The following BLK variants were observed in gnomAD, a reference collection of about 807,000 sequenced individuals.
BLK encodes the protein tyrosine-protein kinase Blk.
Under a neutral mutation model 61.8 loss-of-function variants are expected in BLK, and 64 were observed. The ratio of observed to expected loss-of-function variants is 1.03; its 90% CI spans 0.85 to 1.27. The LOEUF (loss-of-function observed/expected upper bound fraction) is 1.27, where lower values mean the gene tolerates loss of function less well. BLK is among the 50% of genes most tolerant of loss of function. BLK has a pLI of 0.00. For missense variants in BLK, 853 were observed against 660.5 expected (o/e 1.29, Z -3.19); for synonymous variants, 351 against 272.0 (o/e 1.29, Z -2.86).
At chr8:11,503,443 A>G (rs1264022309) in intron 1 of BLK, among the ~76,000 whole-genome samples, 1 of 152,126 alleles carries the variant, frequency 6.6e-6, no homozygotes, top group Non-Finnish European at 1.5e-5. Context: ...TCCCAAAGGG[A>G]GAGGTGCAGC....
In BLK at chr8:11,548,170, C is replaced by A. The variant is rs372649769; in HGVS notation, c.269+45C>A. 48 of 1,493,340 alleles carry A rather than the reference C, an allele frequency of 3.2e-5. No homozygotes were observed. In the African/African-American group the frequency reaches 5.3e-4, roughly 16 times the overall value. The allele number at this position is 1,493,340 out of a possible 1,614,324, so 92.5% of individuals were successfully genotyped here. On this transcript the variant is annotated intron_variant, in intron 4 of 12. Coordinates refer to ENST00000259089, the MANE Select transcript of BLK (RefSeq NM_001715.3). ...TCCCCTGTCCCTGCAGGACCCCCCTCCCCCACATCTCTCCTTTCTCCACCC... is the reference window on the plus strand; with the variant it reads ...TCCCCTGTCCCTGCAGGACCCCCCTACCCCACATCTCTCCTTTCTCCACCC...
At chr8:11,521,837 T>G (rs1237967555) in intron 1 of BLK, among the ~76,000 whole-genome samples, 1 of 152,244 alleles carries the variant, frequency 6.6e-6, no homozygotes, top group Non-Finnish European at 1.5e-5. Flanking sequence ...TTAGTAAGTG[T>G]GGACATCTAG....
chr8:11,557,873 C>T, intron 9 of BLK, 89 bp from the exon 10 acceptor site: 1 of 1,183,174 alleles, frequency 8.5e-7, no homozygotes, highest in Non-Finnish European at 1.3e-6. Flanking sequence ...TTCCCGCGCC[C>T]ATGGGGAGCC....
intron 1 of BLK, among the ~76,000 whole-genome samples, chr8:11,501,421 T>C (rs1003827195): frequency 3.0e-4 from 46 of 152,000 alleles, no homozygotes; most frequent in Admixed American, 1.1e-3. Context: ...TCTGTCTGTC[T>C]GTCTATCTGA....
chr8:11,497,244 C>T (rs1429067653), intron 1 of BLK, among the ~76,000 whole-genome samples: 1 of 152,184 alleles, frequency 6.6e-6, no homozygotes. Context: ...TTGGTGATTA[C>T]ATGTGGGCCT....
intron 5 of BLK, among the ~76,000 whole-genome samples, chr8:11,549,513 A>T (rs191680996): frequency 7.6e-4 from 115 of 152,282 alleles, no homozygotes; most frequent in African/African-American, 2.5e-3. Flanking sequence ...CGTTGTTCAG[A>T]ACTGATTAAT....
chr8:11,542,669 T>C (rs1374003078), intron 1 of BLK, among the ~76,000 whole-genome samples: 1 of 152,210 alleles, frequency 6.6e-6, no homozygotes, highest in Non-Finnish European at 1.5e-5. Context: ...GATATTACTG[T>C]GAGGCCACAG....
rs77521578 is a variant in BLK at position 11,514,881 on chromosome 8, T to C, written c.-2+20290T>C. Among the ~76,000 whole-genome samples the C allele has an allele frequency of 1.4e-3, 212 of 152,266 alleles. 7 individuals carry two copies. The East Asian group carries it at 0.026, about 19-fold the overall frequency. ...TATTACAGTCCCAGATCATTTCTGATCCAACCCACCAGTCAGCAATACCTG... is the reference window on the plus strand; with the variant it reads ...TATTACAGTCCCAGATCATTTCTGACCCAACCCACCAGTCAGCAATACCTG... On this transcript the variant is annotated intron_variant, in intron 1 of 12. Transcript: ENST00000259089.
rs1010655277 is a variant in BLK, at chr8:11,532,532, A to G, written c.-1-10692A>G. On this transcript the variant is annotated intron_variant, in intron 1 of 12. Transcript: ENST00000259089. ...GGCCTCTCTTTTTTCTTAATTTCAG[A>G]TATTGTATTTTTTTTAATCTCTAGG... Among the ~76,000 whole-genome samples the G allele has an allele frequency of 6.6e-5, 10 of 151,544 alleles. No individual in the cohort carries two copies. In the East Asian group the frequency reaches 1.2e-3, roughly 18 times the overall value.
intron 1 of BLK, among the ~76,000 whole-genome samples, chr8:11,515,450 T>G (rs1799187057): frequency 6.6e-6 from 1 of 152,056 alleles, no homozygotes; most frequent in Non-Finnish European, 1.5e-5. Context: ...TGGGGGAGTG[T>G]CTGGGACGAA....
At chr8:11,504,856 C>A (rs939659723) in intron 1 of BLK, among the ~76,000 whole-genome samples, 1 of 152,136 alleles carries the variant, frequency 6.6e-6, no homozygotes, top group Non-Finnish European at 1.5e-5. Flanking sequence ...AAGGATTTTA[C>A]GACAAGAAAC....
Position 11,564,475 on chromosome 8 carries a change from T to C in BLK, c.*367T>C, listed in dbSNP as rs550203393. Reference sequence around the variant, plus strand: ...CGCGTCCCCGCCTCTGCGCCCTGCGTGGACCCCGCCCTGCCCCGCTACAGA... The same window carrying C: ...CGCGTCCCCGCCTCTGCGCCCTGCGCGGACCCCGCCCTGCCCCGCTACAGA... On this transcript the variant is annotated 3_prime_UTR_variant, in exon 13 of 13. Coordinates refer to ENST00000259089, the MANE Select transcript of BLK (RefSeq NM_001715.3). 1.9e-6 allele frequency: 1 copy of C among 529,138 alleles called. No homozygotes were observed. Among genetic ancestry groups the C allele is most frequent in the East Asian group, 4.7e-5 (1 of 21,192 alleles). 32.8% of individuals were successfully genotyped at this position (529,138 alleles called of 1,614,324 possible).
chr8:11,523,236 T>A (rs1799522278), intron 1 of BLK, among the ~76,000 whole-genome samples: 5 of 152,210 alleles, frequency 3.3e-5, no homozygotes, highest in Admixed American at 3.3e-4. Flanking sequence ...GCATAATACA[T>A]ACCATGCTGT....
intron 1 of BLK, among the ~76,000 whole-genome samples, chr8:11,497,930 G>C (rs138998041): frequency 6.6e-6 from 1 of 152,174 alleles, no homozygotes; most frequent in Non-Finnish European, 1.5e-5. Context: ...GGGAGCAGTT[G>C]CACCCACTCT....
At chr8:11,495,055 G>C (rs1398875732) in intron 1 of BLK, among the ~76,000 whole-genome samples, 1 of 152,210 alleles carries the variant, frequency 6.6e-6, no homozygotes, top group African/African-American at 2.4e-5. Flanking sequence ...GTTTGTTTCT[G>C]AATGAAGTTG....
At chr8:11,537,540 G>C (rs549305665) in intron 1 of BLK, among the ~76,000 whole-genome samples, 1 of 152,248 alleles carries the variant, frequency 6.6e-6, no homozygotes, top group African/African-American at 2.4e-5. Context: ...CCCCTCCAAG[G>C]GACACAGAGC....
At chr8:11,514,648 C>A (rs536933533) in intron 1 of BLK, among the ~76,000 whole-genome samples, 1 of 152,324 alleles carries the variant, frequency 6.6e-6, no homozygotes, top group East Asian at 1.9e-4. Flanking sequence ...ACTGCCCCCA[C>A]CTCTGGGCTC....
chr8:11,503,882 G>A lies in BLK; in HGVS notation c.-2+9291G>A, dbSNP rs938968732. Among the ~76,000 whole-genome samples, 10 of 152,236 alleles carry A rather than the reference G, an allele frequency of 6.6e-5. No homozygotes were observed. The East Asian group carries it at 1.7e-3, about 27-fold the overall frequency. On this transcript the variant is annotated intron_variant, in intron 1 of 12. Coordinates refer to ENST00000259089, the MANE Select transcript of BLK (RefSeq NM_001715.3). Reference sequence around the variant, plus strand: ...ATCTTTCCAGGTTCCGGCACTCCACGTTGCCACCCAGACAAGTGTCCTGTG... The same window carrying A: ...ATCTTTCCAGGTTCCGGCACTCCACATTGCCACCCAGACAAGTGTCCTGTG...
At chr8:11,549,914 T>C (rs1800821974) in intron 5 of BLK, 2 of 541,862 alleles carry the variant, frequency 3.7e-6, no homozygotes, top group South Asian at 3.9e-5. Flanking sequence ...GTCAACCAAC[T>C]AGTGTTCTTG....
Sources: gnomAD v4.1 joint callset for allele counts (sites outside exome capture counted in the v4.1 genomes callset) on GRCh38, gnomAD v4.1.1 for gene constraint, MANE v1.5 for transcripts, NCBI Gene and HGNC (gene_info 2026-07-23, HGNC 2026-07-21) for gene names.